The following YWHAE variants were observed in gnomAD, a reference collection of about 807,000 sequenced individuals.
YWHAE encodes tyrosine 3-monooxygenase/tryptophan 5-monooxygenase activation protein epsilon.
YWHAE carries 4 observed loss-of-function variants against 30.1 expected under a neutral mutation model. The observed-to-expected ratio is 0.13, with a 90% CI of 0.07 to 0.30. The LOEUF is 0.30. Among genes scored for constraint, YWHAE ranks in the 10% least tolerant of loss-of-function variants. The pLI is 1.00. For missense variants in YWHAE, 121 were observed against 315.9 expected, an observed-to-expected ratio of 0.38 and a Z score of 4.68; for synonymous variants, 118 against 111.8, an observed-to-expected ratio of 1.06 and a Z score of -0.35.
intron 3 of YWHAE, chr17:1,361,615 T>C (rs2072866254): frequency 2.4e-6 from 1 of 421,032 alleles, no homozygotes; most frequent in Non-Finnish European, 4.2e-6. Context: ...CATGACAGTT[T>C]ATTAATCATA....
chr17:1,358,238 C>A lies in YWHAE; in HGVS notation c.578+2854G>T, dbSNP rs141940775. Among the ~76,000 whole-genome samples, 1,086 of 151,612 alleles carry A rather than the reference C, an allele frequency of 7.2e-3. 12 individuals carry two copies. Among genetic ancestry groups the A allele is most frequent in the African/African-American group, 0.025 (1,037 of 41,416 alleles). ...ACCCTGCCTCTACAAAACAAAACAA[C>A]AAAAAAAAATTTTTTTTTTGAGACG... On this transcript the variant is annotated intron_variant, in intron 4 of 5. Transcript: ENST00000264335.
chr17:1,388,095 ATTTTTGTTTTTTTTTTTGGTTGG>A (rs1414630396), intron 1 of YWHAE, among the ~76,000 whole-genome samples: 5 of 72,782 alleles, frequency 6.9e-5, no homozygotes, highest in Non-Finnish European at 1.0e-4. Flanking sequence ...CGCCTGGGTA[ATTTTTGTTTTTTTTTTTGGTTGG>A]TTTTTTTTTT....
At chr17:1,395,124 G>A (rs560826528) in intron 1 of YWHAE, among the ~76,000 whole-genome samples, 2 of 151,840 alleles carry the variant, frequency 1.3e-5, no homozygotes, top group East Asian at 1.9e-4. Context: ...CGGGTGTGGT[G>A]GCTCACGCCT....
At chr17:1,397,694 C>T (rs542034258) in intron 1 of YWHAE, among the ~76,000 whole-genome samples, 2 of 152,138 alleles carry the variant, frequency 1.3e-5, no homozygotes, top group East Asian at 1.9e-4. Flanking sequence ...ACCAGAACTC[C>T]GGGAAAACTT....
intron 1 of YWHAE, among the ~76,000 whole-genome samples, chr17:1,377,450 A>G (rs781646101): frequency 3.4e-4 from 52 of 152,136 alleles, no homozygotes; most frequent in Non-Finnish European, 5.4e-4. Context: ...ACTGACATAA[A>G]AAGGTTCTGT....
chr17:1,345,325 T>C lies in YWHAE; in HGVS notation c.*122A>G. The C allele has an allele frequency of 1.1e-6, 1 of 881,224 alleles. No individual in the cohort carries two copies. Among genetic ancestry groups the C allele is most frequent in the Non-Finnish European group, 1.8e-6 (1 of 567,626 alleles). The allele number at this position is 881,224 out of a possible 1,614,324, so 54.6% of individuals were successfully genotyped here. On this transcript the variant is annotated 3_prime_UTR_variant, in exon 6 of 6. Transcript: ENST00000264335. ...AAAAAAAACCAACAGGGCAGGAACC[T>C]AAATTCTGAGACCAAATGTAAAAGT...
intron 1 of YWHAE, among the ~76,000 whole-genome samples, chr17:1,388,118 G>GTTTTTTTTTTTTTTTTT (rs1297503908): frequency 1.3e-4 from 2 of 15,494 alleles, no homozygotes; most frequent in Non-Finnish European, 1.9e-4. Context: ...TTTTTGGTTG[G>GTTTTTTTTTTTTTTTTT]TTTTTTTTTT....
chr17:1,393,163 TAAATAAATAAAA>T (rs1274040923), intron 1 of YWHAE, among the ~76,000 whole-genome samples: 2 of 145,342 alleles, frequency 1.4e-5, no homozygotes, highest in Admixed American at 6.8e-5. Context: ...AATAAATAAA[TAAATAAATAAAA>T]TTTAAAAACA....
intron 1 of YWHAE, among the ~76,000 whole-genome samples, chr17:1,372,617 G>C (rs1049426317): frequency 6.6e-6 from 1 of 152,032 alleles, no homozygotes; most frequent in African/African-American, 2.4e-5. Flanking sequence ...TTTAAATATT[G>C]TTATGTTTCA....
intron 1 of YWHAE, among the ~76,000 whole-genome samples, chr17:1,374,508 T>C (rs191985371): frequency 3.3e-4 from 50 of 152,190 alleles, no homozygotes; most frequent in Non-Finnish European, 5.4e-4. Flanking sequence ...AGGAAGGACA[T>C]CCCAAACTTT....
At chr17:1,365,467 A>G (rs1030568887) in intron 1 of YWHAE, among the ~76,000 whole-genome samples, 1 of 152,228 alleles carries the variant, frequency 6.6e-6, no homozygotes, top group Non-Finnish European at 1.5e-5. Flanking sequence ...CCAAAAATAC[A>G]AAAGGAAGGG....
Position 1,377,878 on chromosome 17 carries a change from G to A in YWHAE, c.65-12820C>T, listed in dbSNP as rs577783284. Among the ~76,000 whole-genome samples the A allele has an allele frequency of 7.2e-4, 110 of 152,116 alleles. No individual in the cohort carries two copies. In the East Asian group the frequency reaches 7.9e-3, roughly 11 times the overall value. Reference sequence around the variant, plus strand: ...AGCCTGGCCAACATGGTGAAACCCCGTCTCTACTAAAAATACAAAAATTAG... The same window carrying A: ...AGCCTGGCCAACATGGTGAAACCCCATCTCTACTAAAAATACAAAAATTAG... On this transcript the variant is annotated intron_variant, in intron 1 of 5. Transcript: ENST00000264335.
intron 5 of YWHAE, among the ~76,000 whole-genome samples, chr17:1,347,667 C>G (rs1243726644): frequency 6.6e-6 from 1 of 152,184 alleles, no homozygotes; most frequent in Non-Finnish European, 1.5e-5. Context: ...AACATTCACT[C>G]TAACAGCAAA....
intron 1 of YWHAE, among the ~76,000 whole-genome samples, chr17:1,391,524 T>A (rs538969656): frequency 6.6e-6 from 1 of 152,316 alleles, no homozygotes; most frequent in African/African-American, 2.4e-5. Context: ...ATGTGGATGT[T>A]AAATTATGGT....
Position 1,371,423 on chromosome 17 carries a change from A to ATT in YWHAE, c.65-6367_65-6366dup, listed in dbSNP as rs919846416. ...AATGTGCAGTAATACATTGAAGGGA[A>ATT]TTTTTTTTTTTTCTGAGTACCAAGC... On this transcript the variant is annotated intron_variant, in intron 1 of 5. Transcript: ENST00000264335. 3.6e-3 allele frequency among the ~76,000 whole-genome samples: 531 copies of ATT among 148,316 alleles called. 1 individual carries two copies. The highest frequency in any genetic ancestry group is 0.011 in the Middle Eastern group (3 of 284).
At chr17:1,373,199 C>T (rs1026529537) in intron 1 of YWHAE, among the ~76,000 whole-genome samples, 14 of 151,084 alleles carry the variant, frequency 9.3e-5, no homozygotes, top group African/African-American at 2.9e-4. Flanking sequence ...GCCAAGATGG[C>T]GCCCTTACAC....
intron 1 of YWHAE, among the ~76,000 whole-genome samples, chr17:1,376,924 C>T (rs1295390810): frequency 1.4e-5 from 2 of 145,520 alleles, no homozygotes; most frequent in Non-Finnish European, 3.0e-5. Flanking sequence ...GGTCATAACC[C>T]TAACTTTTTT....
intron 1 of YWHAE, among the ~76,000 whole-genome samples, chr17:1,395,441 AC>A (rs2073454223): frequency 1.3e-5 from 2 of 152,288 alleles, no homozygotes; most frequent in South Asian, 4.1e-4. Flanking sequence ...AGCCAGGAGA[AC>A]CGCTTGAACC....
At chr17:1,374,420 T>C (rs2073094109) in intron 1 of YWHAE, among the ~76,000 whole-genome samples, 1 of 152,196 alleles carries the variant, frequency 6.6e-6, no homozygotes, top group Admixed American at 6.5e-5. Flanking sequence ...TTTAAGTTTT[T>C]GTATGAATAA....
Sources: gnomAD v4.1 joint callset for allele counts (sites outside exome capture counted in the v4.1 genomes callset) on GRCh38, gnomAD v4.1.1 for gene constraint, MANE v1.5 for transcripts, NCBI Gene and HGNC (gene_info 2026-07-23, HGNC 2026-07-21) for gene names.